Variants in EYS observed in about 807,000 individuals in gnomAD.
The protein encoded by EYS is EGF-like photoreceptor maintenance factor, also known as protein eyes shut homolog.
In EYS, 250 loss-of-function variants were observed where a neutral mutation model predicts 282.1. The ratio of observed to expected loss-of-function variants is 0.89; its 90% CI spans 0.80 to 0.98. The LOEUF (loss-of-function observed/expected upper bound fraction) is 0.98. Among genes scored for constraint, EYS ranks in the 50% least tolerant of loss-of-function variants. The pLI is 0.00. For synonymous variants in EYS, 1,355 were observed against 1,282.9 expected (o/e 1.06, Z -1.20); for missense variants, 4,016 against 3,709.0 (o/e 1.08, Z -2.15).
chr6:65,487,509 T>C lies in EYS; in HGVS notation c.862+3085A>G, dbSNP rs80355385. Among the ~76,000 whole-genome samples the C allele has an allele frequency of 4.9e-3, 747 of 152,314 alleles. 16 individuals carry two copies. The East Asian group carries it at 0.068, about 14-fold the overall frequency. On this transcript the variant is annotated intron_variant, in intron 5 of 42. Transcript: ENST00000503581. ...TTGCGTATGTTTAACTGGCATTGCA[T>C]CTCAGGTATGAAGCCGACTTGATCT...
chr6:65,492,311 G>A (rs370960221), intron 4 of EYS, among the ~76,000 whole-genome samples: 1 of 117,178 alleles, frequency 8.5e-6, no homozygotes, highest in Non-Finnish European at 1.7e-5. Context: ...GAGAAAGAGA[G>A]AGAAAGAAAG....
chr6:63,919,039 A>G (rs1562095833), intron 35 of EYS, among the ~76,000 whole-genome samples: 2 of 152,182 alleles, frequency 1.3e-5, no homozygotes, highest in Non-Finnish European at 2.9e-5. Context: ...TTCAGCAGCG[A>G]CTTTCTTCAA....
chr6:65,350,699 A>G (rs1770566016), intron 9 of EYS, among the ~76,000 whole-genome samples: 1 of 151,626 alleles, frequency 6.6e-6, no homozygotes, highest in Non-Finnish European at 1.5e-5. Flanking sequence ...CCTCAAACTT[A>G]ATAATACACA....
intron 33 of EYS, among the ~76,000 whole-genome samples, chr6:64,002,622 C>A (rs1197696886): frequency 6.6e-6 from 1 of 152,188 alleles, no homozygotes; most frequent in African/African-American, 2.4e-5. Context: ...GCAGGGTGAC[C>A]AAACAGGGGA....
chr6:64,646,387 A>G (rs1462669496), intron 22 of EYS, among the ~76,000 whole-genome samples: 2 of 152,240 alleles, frequency 1.3e-5, no homozygotes, highest in African/African-American at 2.4e-5. Flanking sequence ...TGCTCTAGAC[A>G]TATGATTCTG....
chr6:65,075,562 A>T (rs756824371), intron 12 of EYS, among the ~76,000 whole-genome samples: 4 of 152,020 alleles, frequency 2.6e-5, no homozygotes, highest in Admixed American at 2.6e-4. Flanking sequence ...AAAGTTTTAG[A>T]TGAACCCAAA....
chr6:64,080,699 T>G (rs1442708230), intron 32 of EYS, among the ~76,000 whole-genome samples: 46 of 151,106 alleles, frequency 3.0e-4, no homozygotes, highest in Admixed American at 8.6e-4. Context: ...GGTCTAACAT[T>G]TAAGTCTTTA....
At position 64,388,769 on chromosome 6, in the gene EYS, T is replaced by A; in HGVS notation, c.5999A>T (p.Asn2000Ile). The change falls in exon 29 of 43, where the codon AAT becomes ATT. Residue 2000 changes from asparagine (N) to isoleucine (I), a missense_variant. By Grantham distance (149) the Asn-to-Ile change is moderately radical (BLOSUM62 -3). Transcript: ENST00000503581. ...TGGCAGGGGTTTTCCGAGTACATGA[T>A]TGATAGATTCGCATATTTGTGTATT... The part of the protein sequence containing the change: ...GRNTQICESI[N>I]HVLGKPLPKS... The A allele has an allele frequency of 1.3e-6, 2 of 1,545,422 alleles. No individual in the cohort carries two copies. Among genetic ancestry groups the A allele is most frequent in the Non-Finnish European group, 1.7e-6 (2 of 1,143,898 alleles).
At chr6:64,721,735 A>G (rs1246062002) in intron 22 of EYS, among the ~76,000 whole-genome samples, 1 of 152,198 alleles carries the variant, frequency 6.6e-6, no homozygotes, top group African/African-American at 2.4e-5. Context: ...TAAAATGTTT[A>G]AAGTACTAAG....
chr6:64,930,653 A>G (rs1768689728), intron 15 of EYS, among the ~76,000 whole-genome samples: 1 of 152,126 alleles, frequency 6.6e-6, no homozygotes, highest in Admixed American at 6.6e-5. Flanking sequence ...ATTTTAATGC[A>G]TAGTGCTTCA....
intron 24 of EYS, among the ~76,000 whole-genome samples, chr6:64,599,245 C>G (rs983502044): frequency 1.3e-5 from 2 of 151,950 alleles, no homozygotes; most frequent in Admixed American, 6.6e-5. Flanking sequence ...AGCTTGGATT[C>G]GGGGGAAGAA....
At position 65,539,917 on chromosome 6, in the gene EYS, A is replaced by G. The variant is rs185801468; in HGVS notation, c.-332-43924T>C. On this transcript the variant is annotated intron_variant, in intron 2 of 42. Coordinates refer to ENST00000503581, the MANE Select transcript of EYS (RefSeq NM_001142800.2). ...GATGTGTAAGCTCAAGACCATGAAA[A>G]GAAAGGGAGAAAGCTCATAATGCTT... 8.5e-5 allele frequency among the ~76,000 whole-genome samples: 13 copies of G among 152,312 alleles called. No homozygotes were observed. In the South Asian group the frequency reaches 2.3e-3, roughly 27 times the overall value.
chr6:64,583,339 T>C (rs1216880797), intron 26 of EYS, among the ~76,000 whole-genome samples: 1 of 151,976 alleles, frequency 6.6e-6, no homozygotes, highest in African/African-American at 2.4e-5. Flanking sequence ...TGATTCAAAA[T>C]ACGTAGAAAA....
At chr6:64,211,812 C>G (rs1414483150) in intron 31 of EYS, among the ~76,000 whole-genome samples, 1 of 150,766 alleles carries the variant, frequency 6.6e-6, no homozygotes, top group South Asian at 2.1e-4. Context: ...ACTGTTTAAC[C>G]TTCTCAAAAA....
In EYS at chr6:64,110,418, G is replaced by A. The variant is rs1773168476; in HGVS notation, c.6425-28416C>T. On this transcript the variant is annotated intron_variant, in intron 31 of 42. Transcript: ENST00000503581. ...ATATACCATGTTATAAAAAATGTTG[G>A]TGGATGACTCTGTGTGTGTGTGTTT... 2.6e-5 allele frequency among the ~76,000 whole-genome samples: 4 copies of A among 151,938 alleles called. No homozygotes were observed. The South Asian group carries it at 8.3e-4, about 32-fold the overall frequency.
At chr6:65,244,260 A>G (rs1470356189) in intron 12 of EYS, among the ~76,000 whole-genome samples, 1 of 152,108 alleles carries the variant, frequency 6.6e-6, no homozygotes, top group African/African-American at 2.4e-5. Flanking sequence ...CACGCAAATT[A>G]TTTTATCTTA....
intron 1 of EYS, among the ~76,000 whole-genome samples, chr6:65,672,446 C>T (rs372978721): frequency 1.3e-5 from 2 of 152,068 alleles, no homozygotes; most frequent in South Asian, 2.1e-4. Context: ...ATTTGAGAGA[C>T]CCGCAAAATA....
At chr6:63,825,433 C>T (rs562261471) in intron 36 of EYS, among the ~76,000 whole-genome samples, 4 of 152,338 alleles carry the variant, frequency 2.6e-5, no homozygotes, top group Middle Eastern at 6.8e-3. Flanking sequence ...GGCAAGAGGC[C>T]AAGCAGCACA....
intron 13 of EYS, among the ~76,000 whole-genome samples, chr6:65,035,003 G>C (rs1430073529): frequency 6.6e-6 from 1 of 152,062 alleles, no homozygotes; most frequent in Non-Finnish European, 1.5e-5. Context: ...ACATCAAAGA[G>C]CTAATCCACC....
Sources: allele counts gnomAD v4.1 joint callset (sites outside exome capture counted in the v4.1 genomes callset), GRCh38; gene constraint gnomAD v4.1.1; transcripts MANE v1.5; gene names NCBI Gene and HGNC (gene_info 2026-07-23, HGNC 2026-07-21).